The following DOK6 variants were observed in gnomAD, a reference collection of about 807,000 sequenced individuals.
DOK6 encodes the protein docking protein 6, also known as downstream of tyrosine kinase 6.
Under a neutral mutation model 44.0 loss-of-function variants are expected in DOK6, and 22 were observed. The ratio of observed to expected loss-of-function variants is 0.50; its 90% CI spans 0.36 to 0.71. DOK6 has a LOEUF of 0.71. DOK6 is among the 30% of genes least tolerant of loss of function. The probability of loss-of-function intolerance (pLI) is 0.00; values close to 1 mark genes in which losing one functional copy is unlikely to be tolerated. For missense variants in DOK6, 340 were observed against 416.4 expected, an observed-to-expected ratio of 0.82 and a Z score of 1.60; for synonymous variants, 166 against 145.5, an observed-to-expected ratio of 1.14 and a Z score of -1.01.
chr18:69,585,570 G>A (rs575045740), intron 2 of DOK6, among the ~76,000 whole-genome samples: 11 of 152,262 alleles, frequency 7.2e-5, no homozygotes, highest in African/African-American at 2.4e-4. Context: ...TAGGTTTACT[G>A]CTTAACTTCC....
intron 1 of DOK6, among the ~76,000 whole-genome samples, chr18:69,458,330 T>G (rs568291692): frequency 6.6e-6 from 1 of 152,332 alleles, no homozygotes; most frequent in South Asian, 2.1e-4. Flanking sequence ...AAAAAGCTTT[T>G]GATAAAATCC....
intron 1 of DOK6, among the ~76,000 whole-genome samples, chr18:69,427,547 T>C (rs1978675390): frequency 6.6e-6 from 1 of 152,152 alleles, no homozygotes; most frequent in Admixed American, 6.5e-5. Context: ...TACAGTGTGG[T>C]GATTCCTCAA....
chr18:69,586,532 G>GA (rs1228487052), intron 2 of DOK6, among the ~76,000 whole-genome samples: 1 of 152,184 alleles, frequency 6.6e-6, no homozygotes, highest in African/African-American at 2.4e-5. Flanking sequence ...CATTCCCTCT[G>GA]AAAAATTCAG....
chr18:69,813,354 T>C (rs755757657), intron 7 of DOK6, among the ~76,000 whole-genome samples: 15 of 152,078 alleles, frequency 9.9e-5, no homozygotes, highest in Non-Finnish European at 1.8e-4. Context: ...CTTATGGGGA[T>C]GTTCAAAATA....
intron 3 of DOK6, among the ~76,000 whole-genome samples, chr18:69,604,445 G>A (rs1253311691): frequency 1.3e-5 from 2 of 152,168 alleles, no homozygotes; most frequent in African/African-American, 4.8e-5. Context: ...CAACGTGGCT[G>A]AAGTTAGATA....
intron 7 of DOK6, among the ~76,000 whole-genome samples, chr18:69,763,994 T>C (rs1350851870): frequency 6.6e-6 from 1 of 152,174 alleles, no homozygotes; most frequent in Non-Finnish European, 1.5e-5. Flanking sequence ...AGGAATCATG[T>C]CTAGTCCCAC....
intron 7 of DOK6, among the ~76,000 whole-genome samples, chr18:69,810,118 T>G (rs1981178290): frequency 6.6e-6 from 1 of 152,008 alleles, no homozygotes; most frequent in Non-Finnish European, 1.5e-5. Flanking sequence ...AACATGGCAC[T>G]ATTGTAAAAG....
intron 3 of DOK6, among the ~76,000 whole-genome samples, chr18:69,652,747 A>C (rs1292558232): frequency 6.6e-6 from 1 of 152,166 alleles, no homozygotes; most frequent in Non-Finnish European, 1.5e-5. Context: ...CCCAGCTTTT[A>C]GGGTTCAAGC....
intron 1 of DOK6, among the ~76,000 whole-genome samples, chr18:69,464,207 A>G (rs1979865624): frequency 6.6e-6 from 1 of 152,234 alleles, no homozygotes; most frequent in African/African-American, 2.4e-5. Flanking sequence ...CTAAGAAGAA[A>G]TCATCTAATC....
At chr18:69,650,526 CT>C (rs375051530) in intron 3 of DOK6, among the ~76,000 whole-genome samples, 6 of 152,270 alleles carry the variant, frequency 3.9e-5, no homozygotes, top group African/African-American at 1.4e-4. Context: ...AAAACTGAAA[CT>C]TTTTCCTCAA....
intron 1 of DOK6, among the ~76,000 whole-genome samples, chr18:69,456,353 A>G (rs540917863): frequency 6.6e-6 from 1 of 151,928 alleles, no homozygotes; most frequent in Non-Finnish European, 1.5e-5. Context: ...ATTTATGTTC[A>G]TATGTGGTCA....
In DOK6 at chr18:69,742,815, T is replaced by G. The variant is rs1378735940; in HGVS notation, c.738+3712T>G. 2.0e-5 allele frequency among the ~76,000 whole-genome samples: 3 copies of G among 152,220 alleles called. No individual in the cohort carries two copies. The South Asian group carries it at 6.2e-4, about 31-fold the overall frequency. On this transcript the variant is annotated intron_variant, in intron 6 of 7. Coordinates refer to ENST00000382713, the MANE Select transcript of DOK6 (RefSeq NM_152721.6). ...ATATCAAAAGTTTTCCATACCTCAA[T>G]GTATGTATGGGTAAGACATCACCAT... is the stretch of plus-strand genomic sequence containing the variant.
chr18:69,510,776 C>T (rs1981345504), intron 1 of DOK6, among the ~76,000 whole-genome samples: 1 of 152,100 alleles, frequency 6.6e-6, no homozygotes, highest in African/African-American at 2.4e-5. Flanking sequence ...CCAATTGTAA[C>T]TTTAGTAAAA....
chr18:69,427,345 A>G (rs1192071526), intron 1 of DOK6, among the ~76,000 whole-genome samples: 1 of 152,244 alleles, frequency 6.6e-6, no homozygotes, highest in African/African-American at 2.4e-5. Context: ...AAAAGAAGAC[A>G]TACATGTGCC....
chr18:69,762,696 C>CA (rs1421103519), intron 7 of DOK6, among the ~76,000 whole-genome samples: 1 of 152,178 alleles, frequency 6.6e-6, no homozygotes, highest in Non-Finnish European at 1.5e-5. Flanking sequence ...CACATGTACT[C>CA]AAAGTTTTTT....
At chr18:69,409,995 T>C (rs1978299384) in intron 1 of DOK6, among the ~76,000 whole-genome samples, 1 of 151,554 alleles carries the variant, frequency 6.6e-6, no homozygotes, top group South Asian at 2.1e-4. Context: ...TCACCACATA[T>C]TTGGAATCCT....
In DOK6 at chr18:69,847,604, G is replaced by A. The variant is rs1485861751; in HGVS notation, c.*6221G>A. The A allele has an allele frequency of 2.0e-5, 3 of 151,820 alleles. No individual in the cohort carries two copies. The highest frequency in any genetic ancestry group is 1.3e-4 in the Admixed American group (2 of 15,230). The allele number at this position is 151,820 out of a possible 1,614,324, so 9.4% of individuals were successfully genotyped here. On this transcript the variant is annotated 3_prime_UTR_variant, in exon 8 of 8. Transcript: ENST00000382713. ...CCAGATCATTAACTATTTTACAGAG[G>A]GACTGAAAGCCAGGGAAAATAAAGA...
At chr18:69,762,887 G>A (rs1285096667) in intron 7 of DOK6, among the ~76,000 whole-genome samples, 2 of 152,112 alleles carry the variant, frequency 1.3e-5, no homozygotes, top group African/African-American at 2.4e-5. Context: ...CTTCATCTTT[G>A]GAGAATGTCT....
chr18:69,404,757 G>A (rs769805025), intron 1 of DOK6, among the ~76,000 whole-genome samples: 1 of 150,688 alleles, frequency 6.6e-6, no homozygotes, highest in Non-Finnish European at 1.5e-5. Flanking sequence ...GATATGTGTG[G>A]GTTCTGAAGG....
Sources: allele counts gnomAD v4.1 joint callset (sites outside exome capture counted in the v4.1 genomes callset), GRCh38; gene constraint gnomAD v4.1.1; transcripts MANE v1.5; gene names NCBI Gene and HGNC (gene_info 2026-07-23, HGNC 2026-07-21).